The following SGCD variants were observed in gnomAD, a reference collection of about 807,000 sequenced individuals.
SGCD encodes sarcoglycan delta.
Under a neutral mutation model 36.6 loss-of-function variants are expected in SGCD, and 18 were observed. That is an observed-to-expected ratio of 0.49 (90% confidence interval 0.34 to 0.73). The LOEUF (loss-of-function observed/expected upper bound fraction) is 0.73. Ranked by LOEUF, SGCD falls within the 30% of genes least tolerant of loss-of-function variation. The pLI is 0.01. For synonymous variants in SGCD, 133 were observed against 130.6 expected, an observed-to-expected ratio of 1.02 and a Z score of -0.12; for missense variants, 387 against 346.7, an observed-to-expected ratio of 1.12 and a Z score of -0.92.
chr5:155,985,808 C>T (rs1009389317), intron 1 of SGCD, among the ~76,000 whole-genome samples: 2 of 152,204 alleles, frequency 1.3e-5, no homozygotes, highest in African/African-American at 4.8e-5. Context: ...TTAACGTACC[C>T]ATTTCCTGAG....
chr5:156,464,506 C>T (rs1754639338), intron 3 of SGCD, among the ~76,000 whole-genome samples: 1 of 152,148 alleles, frequency 6.6e-6, no homozygotes. Context: ...AGGTGTGAGC[C>T]ACCATGCCCG....
intron 4 of SGCD, among the ~76,000 whole-genome samples, chr5:156,540,197 A>G (rs1430718414): frequency 1.3e-5 from 2 of 152,152 alleles, no homozygotes; most frequent in African/African-American, 4.8e-5. Flanking sequence ...TAATTGTTTC[A>G]AACTCAATAT....
chr5:155,761,413 C>T, the SGCD span, among the ~76,000 whole-genome samples: 4 of 150,228 alleles, frequency 2.7e-5, no homozygotes, highest in East Asian at 8.0e-4. Context: ...CCCTCTCCAT[C>T]ATCCTCTCTA....
At chr5:155,733,144 A>G in the SGCD span, among the ~76,000 whole-genome samples, 34 of 152,094 alleles carry the variant, frequency 2.2e-4, no homozygotes, top group Non-Finnish European at 2.6e-4. Flanking sequence ...AGCCAGGGCC[A>G]ATGTGTCACT....
At chr5:155,879,281 A>G (rs548926140) in intron 1 of SGCD, among the ~76,000 whole-genome samples, 1 of 152,298 alleles carries the variant, frequency 6.6e-6, no homozygotes, top group Admixed American at 6.5e-5. Flanking sequence ...TAAAACAGCA[A>G]AATATATTTA....
At chr5:156,697,533 G>A (rs1003162048) in intron 7 of SGCD, among the ~76,000 whole-genome samples, 2 of 152,122 alleles carry the variant, frequency 1.3e-5, no homozygotes, top group African/African-American at 4.8e-5. Context: ...TTAAACATGA[G>A]CTATTTCTGT....
At chr5:156,069,279 C>T in intron 1 of SGCD, among the ~76,000 whole-genome samples, 1 of 152,098 alleles carries the variant, frequency 6.6e-6, no homozygotes. Context: ...AGTCTTTAAT[C>T]CATCTTGAAT....
Position 156,082,138 on chromosome 5 carries a change from C to A in SGCD, c.-281-35740C>A, listed in dbSNP as rs181823815. Reference sequence around the variant, plus strand: ...ATTAATGAAAAATCAGAAAAGGGACCAGAAGTACTTGATTTTTTCTTTGGT... The same window carrying A: ...ATTAATGAAAAATCAGAAAAGGGACAAGAAGTACTTGATTTTTTCTTTGGT... On this transcript the variant is annotated intron_variant, in intron 1 of 9. Transcript: ENST00000517913. Among the ~76,000 whole-genome samples, 538 of 152,056 alleles carry A rather than the reference C, an allele frequency of 3.5e-3. 4 individuals carry two copies. Among genetic ancestry groups the A allele is most frequent in the Non-Finnish European group, 1.4e-3 (94 of 68,006 alleles).
chr5:156,321,303 C>T (rs932301929), intron 3 of SGCD, among the ~76,000 whole-genome samples: 23 of 151,944 alleles, frequency 1.5e-4, no homozygotes, highest in Non-Finnish European at 2.6e-4. Context: ...GCCTGTAGTC[C>T]CAGCTACTCG....
At chr5:155,986,595 GA>G (rs1758335893) in intron 1 of SGCD, among the ~76,000 whole-genome samples, 1 of 152,198 alleles carries the variant, frequency 6.6e-6, no homozygotes, top group Non-Finnish European at 1.5e-5. Context: ...TGAAGGACAT[GA>G]AAAGCTTTTA....
chr5:156,177,315 A>T (rs532090174), intron 3 of SGCD, among the ~76,000 whole-genome samples: 74 of 152,246 alleles, frequency 4.9e-4, no homozygotes, highest in South Asian at 1.0e-3. Flanking sequence ...TTGTATTTTT[A>T]AAAAATTTTT....
chr5:155,852,806 C>T, the SGCD span, among the ~76,000 whole-genome samples: 1 of 152,088 alleles, frequency 6.6e-6, no homozygotes, highest in African/African-American at 2.4e-5. Context: ...TGATGTCTTA[C>T]ATCATAGATG....
intron 3 of SGCD, among the ~76,000 whole-genome samples, chr5:156,419,087 G>A (rs1554101676): frequency 6.6e-6 from 1 of 151,934 alleles, no homozygotes; most frequent in Non-Finnish European, 1.5e-5. Context: ...GCTTGGGGAT[G>A]TTTTTTTCAA....
chr5:156,573,912 C>T (rs1018395156), intron 4 of SGCD, among the ~76,000 whole-genome samples: 2 of 152,094 alleles, frequency 1.3e-5, no homozygotes, highest in African/African-American at 4.8e-5. Flanking sequence ...GGGCTGGTCT[C>T]AAACTCCTAG....
At chr5:156,220,653 A>G (rs1473191522) in intron 3 of SGCD, among the ~76,000 whole-genome samples, 2 of 152,048 alleles carry the variant, frequency 1.3e-5, no homozygotes, top group African/African-American at 4.8e-5. Context: ...CTGGACAATT[A>G]TTTTTCAACT....
At chr5:156,217,089 AT>A (rs1425601067) in intron 3 of SGCD, among the ~76,000 whole-genome samples, 10 of 152,198 alleles carry the variant, frequency 6.6e-5, no homozygotes, top group Non-Finnish European at 1.0e-4. Context: ...AATAAAAAAA[AT>A]AATAAAATAA....
At chr5:155,994,123 A>T (rs1758490669) in intron 1 of SGCD, among the ~76,000 whole-genome samples, 1 of 152,214 alleles carries the variant, frequency 6.6e-6, no homozygotes, top group Non-Finnish European at 1.5e-5. Context: ...GGACCCTCCC[A>T]CACTAGAGGC....
At chr5:156,756,682 C>G (rs560605221) in intron 7 of SGCD, among the ~76,000 whole-genome samples, 1 of 152,198 alleles carries the variant, frequency 6.6e-6, no homozygotes, top group African/African-American at 2.4e-5. Context: ...TAGAATGTGG[C>G]TGATTCTCTT....
At chr5:156,061,930 T>TAATTGGCAAAA (rs1277152876) in intron 1 of SGCD, among the ~76,000 whole-genome samples, 34 of 123,044 alleles carry the variant, frequency 2.8e-4, no homozygotes, top group African/African-American at 1.1e-3. Flanking sequence ...TTTTTTTTTT[T>TAATTGGCAAAA]TTTTTTTTTT....
Sources: allele counts gnomAD v4.1 joint callset (sites outside exome capture counted in the v4.1 genomes callset), GRCh38; gene constraint gnomAD v4.1.1; transcripts MANE v1.5; gene names NCBI Gene and HGNC (gene_info 2026-07-23, HGNC 2026-07-21).